The following ANKRD11 variants were observed in gnomAD, a reference collection of about 807,000 sequenced individuals.
ANKRD11 encodes the protein ankyrin repeat domain 11, also known as ankyrin repeat domain-containing protein 11.
ANKRD11 carries 17 observed loss-of-function variants against 195.7 expected under a neutral mutation model. The ratio of observed to expected loss-of-function variants is 0.09; its 90% CI spans 0.06 to 0.13. The LOEUF is 0.13. Ranked by LOEUF, ANKRD11 falls within the 10% of genes least tolerant of loss-of-function variation. ANKRD11 has a pLI of 1.00. For missense variants in ANKRD11, 3,735 were observed against 3,566.1 expected (o/e 1.05, Z -1.21); for synonymous variants, 1,953 against 1,528.1 (o/e 1.28, Z -6.49).
intron 2 of ANKRD11, among the ~76,000 whole-genome samples, chr16:89,414,878 G>A (rs2042232582): frequency 6.6e-6 from 1 of 152,210 alleles, no homozygotes; most frequent in Non-Finnish European, 1.5e-5. Context: ...TCCACCCCAA[G>A]GAATCAAAGT....
At chr16:89,376,888 T>A (rs1306192568) in intron 2 of ANKRD11, among the ~76,000 whole-genome samples, 1 of 152,204 alleles carries the variant, frequency 6.6e-6, no homozygotes, top group Admixed American at 6.5e-5. Flanking sequence ...GCAAATGCAG[T>A]AGGGTTTATG....
intron 1 of ANKRD11, among the ~76,000 whole-genome samples, chr16:89,484,059 C>T (rs1170504996): frequency 6.6e-6 from 1 of 152,158 alleles, no homozygotes; most frequent in African/African-American, 2.4e-5. Context: ...GCTCTCGAGA[C>T]GCTCTTCGGC....
chr16:89,340,623 G>A (rs1484419473), intron 2 of ANKRD11, among the ~76,000 whole-genome samples: 1 of 152,246 alleles, frequency 6.6e-6, no homozygotes, highest in East Asian at 1.9e-4. Context: ...AGGGGAAACA[G>A]TACTTTGCAC....
At position 89,474,174 on chromosome 16, in the gene ANKRD11, G is replaced by A. The variant is rs116537055; in HGVS notation, c.-145+16071C>T. On this transcript the variant is annotated intron_variant, in intron 1 of 12. Transcript: ENST00000301030. ...CACACCATCCCCCACTCGAGCCTCT[G>A]ATAAGATCACAGTCCCACCCAACAC... Among the ~76,000 whole-genome samples, 1,168 of 152,238 alleles carry A rather than the reference G, an allele frequency of 7.7e-3. 13 individuals are homozygous for A. The highest frequency in any genetic ancestry group is 0.026 in the African/African-American group (1,094 of 41,534).
Position 89,287,811 on chromosome 16 carries a change from G to T in ANKRD11, c.744+717C>A, listed in dbSNP as rs541562080. ...TAAGGCCAAGGCACTGTGGGCTCCA[G>T]GACCTCCAGCAATGGCCAGGCTGGG... On this transcript the variant is annotated intron_variant, in intron 7 of 12. Coordinates refer to ENST00000301030, the MANE Select transcript of ANKRD11 (RefSeq NM_013275.6). The T allele has an allele frequency of 1.4e-4, 32 of 220,906 alleles. 1 individual carries two copies. Among genetic ancestry groups the T allele is most frequent in the Middle Eastern group, 1.6e-3 (1 of 614 alleles). The allele number at this position is 220,906 out of a possible 1,614,324, so 13.7% of individuals were successfully genotyped here.
At position 89,281,667 on chromosome 16, in the gene ANKRD11, C is replaced by A; in HGVS notation, c.4875G>T (p.Lys1625Asn). Residue 1625 changes from lysine (K) to asparagine (N), a missense_variant, in exon 9 of 13, where the codon AAG becomes AAT. By Grantham distance (94) the Lys-to-Asn change is moderately conservative. Transcript: ENST00000301030. This position sits in a 1 kb window ranked among gnomAD's most constrained non-coding sequence, Gnocchi z 5.5. ...SGDPKLKEKAKPADDGRKKGL... is the reference protein window; with the variant it reads ...SGDPKLKEKANPADDGRKKGL... ...CCTTCTTCCGCCCGTCGTCTGCCGG[C>A]TTCGCCTTCTCCTTGAGCTTGGGGT... 6.2e-7 allele frequency: 1 copy of A among 1,614,186 alleles called. No homozygotes were observed.
At chr16:89,381,278 G>A (rs1339975789) in intron 2 of ANKRD11, among the ~76,000 whole-genome samples, 1 of 150,284 alleles carries the variant, frequency 6.7e-6, no homozygotes, top group African/African-American at 2.5e-5. Context: ...GTTGCAGTGA[G>A]GCGACAATGC....
At chr16:89,394,011 C>G (rs2041317128) in intron 2 of ANKRD11, among the ~76,000 whole-genome samples, 1 of 152,158 alleles carries the variant, frequency 6.6e-6, no homozygotes, top group Non-Finnish European at 1.5e-5. Context: ...GTTCCCAGAC[C>G]CCAGTGTTTG....
rs1185377339 is a variant in ANKRD11 at position 89,459,887 on chromosome 16, C to T, written c.-145+30358G>A. On this transcript the variant is annotated intron_variant, in intron 1 of 12. Coordinates refer to ENST00000301030, the MANE Select transcript of ANKRD11 (RefSeq NM_013275.6). ...AGTCGAGATTGCAGTGAGCCAATTT[C>T]GTGTCACTGCACTCCATCCTGGGTG... Among the ~76,000 whole-genome samples the T allele has an allele frequency of 1.0e-4, 15 of 150,450 alleles. No individual in the cohort carries two copies. The South Asian group carries it at 2.8e-3, about 28-fold the overall frequency.
intron 1 of ANKRD11, among the ~76,000 whole-genome samples, chr16:89,466,650 G>A (rs1397974009): frequency 6.6e-6 from 1 of 152,140 alleles, no homozygotes; most frequent in Non-Finnish European, 1.5e-5. Flanking sequence ...AAACCATAAT[G>A]AGGTTAAAAG....
At chr16:89,324,695 C>G (rs1221471760) in intron 2 of ANKRD11, 4 of 347,294 alleles carry the variant, frequency 1.2e-5, no homozygotes, top group African/African-American at 2.2e-5. Flanking sequence ...ACATCAGACT[C>G]CAAGTGCTTC....
chr16:89,417,292 G>C (rs947680318), intron 2 of ANKRD11, among the ~76,000 whole-genome samples: 1 of 152,200 alleles, frequency 6.6e-6, no homozygotes, highest in African/African-American at 2.4e-5. Context: ...ACACAAAACA[G>C]ATTATGTATT....
chr16:89,382,372 C>T (rs988023441), intron 2 of ANKRD11, among the ~76,000 whole-genome samples: 2 of 152,086 alleles, frequency 1.3e-5, no homozygotes, highest in African/African-American at 4.8e-5. Flanking sequence ...GTCACCCAGG[C>T]TGGAGGGCAA....
Position 89,454,849 on chromosome 16 carries a change from T to C in ANKRD11, c.-145+35396A>G, listed in dbSNP as rs28429721. 9.5e-3 allele frequency among the ~76,000 whole-genome samples: 247 copies of C among 26,054 alleles called. 6 individuals are homozygous for C. Among genetic ancestry groups the C allele is most frequent in the African/African-American group, 0.034 (164 of 4,890 alleles). 17.1% of individuals were successfully genotyped at this position (26,054 alleles called of 152,430 possible). On this transcript the variant is annotated intron_variant, in intron 1 of 12. Coordinates refer to ENST00000301030, the MANE Select transcript of ANKRD11 (RefSeq NM_013275.6). Reference sequence around the variant, plus strand: ...GTTCCTCAAGCTGCTCCCCTGGGTGTTTCTAGGGTTCCTCAAGCTGCTCCC... The same window carrying C: ...GTTCCTCAAGCTGCTCCCCTGGGTGCTTCTAGGGTTCCTCAAGCTGCTCCC...
Position 89,283,758 on chromosome 16 carries a change from T to G in ANKRD11, c.2784A>C (p.Lys928Asn). The G allele has an allele frequency of 6.2e-7, 1 of 1,613,494 alleles. No homozygotes were observed. The highest frequency in any genetic ancestry group is 8.5e-7 in the Non-Finnish European group (1 of 1,179,674). Residue 928 changes from lysine to asparagine, a missense_variant, in exon 9 of 13, where the codon AAA (lysine) becomes AAC (asparagine). Lys to Asn is a moderately conservative substitution (Grantham distance 94). Coordinates refer to ENST00000301030, the MANE Select transcript of ANKRD11 (RefSeq NM_013275.6). This position sits in a 1 kb window ranked among gnomAD's most constrained non-coding sequence, Gnocchi z 4.3. Reference protein sequence around the residue: ...EKRKEQTEKHKSVPGYLSEKD... With the variant: ...EKRKEQTEKHNSVPGYLSEKD... Reference sequence around the variant, plus strand: ...TTTCCGAAAGGTAGCCAGGGACACTTTTATGCTTTTCGGTCTGCTCTTTCC... The same window carrying G: ...TTTCCGAAAGGTAGCCAGGGACACTGTTATGCTTTTCGGTCTGCTCTTTCC...
intron 1 of ANKRD11, among the ~76,000 whole-genome samples, chr16:89,440,422 C>T (rs1340210066): frequency 6.6e-6 from 1 of 152,070 alleles, no homozygotes; most frequent in African/African-American, 2.4e-5. Context: ...GCCTGAGCAA[C>T]ACACTGAAAC....
intron 2 of ANKRD11, among the ~76,000 whole-genome samples, chr16:89,330,336 C>T (rs2037980724): frequency 6.6e-6 from 1 of 152,054 alleles, no homozygotes; most frequent in Non-Finnish European, 1.5e-5. Context: ...GGAGACCTGG[C>T]TCAGGATGTG....
intron 11 of ANKRD11, among the ~76,000 whole-genome samples, chr16:89,274,401 G>A (rs1217993797): frequency 6.6e-6 from 1 of 152,218 alleles, no homozygotes; most frequent in Non-Finnish European, 1.5e-5. Flanking sequence ...AGCCCCTGGG[G>A]CCTGTGCTGT....
In ANKRD11 at chr16:89,439,971, G is replaced by C. The variant is rs188148689; in HGVS notation, c.-144-21603C>G. Among the ~76,000 whole-genome samples, 230 of 152,274 alleles carry C rather than the reference G, an allele frequency of 1.5e-3. 9 individuals carry two copies. The highest frequency in any genetic ancestry group is 0.015 in the Admixed American group (225 of 15,300). On this transcript the variant is annotated intron_variant, in intron 1 of 12. Coordinates refer to ENST00000301030, the MANE Select transcript of ANKRD11 (RefSeq NM_013275.6). ...GAGGCCTGTGTCTCTCACAGGTGTG[G>C]GGTCTGAGCCGCAGCCCACTACCTT...
Sources: allele counts gnomAD v4.1 joint callset (sites outside exome capture counted in the v4.1 genomes callset), GRCh38; gene constraint gnomAD v4.1.1; non-coding constraint Gnocchi (gnomAD v3.1); transcripts MANE v1.5; gene names NCBI Gene and HGNC (gene_info 2026-07-23, HGNC 2026-07-21).